PTPN12: variants seen among roughly 807,000 people sequenced by gnomAD.
The protein encoded by PTPN12 is protein tyrosine phosphatase non-receptor type 12.
A neutral mutation model predicts 97.6 loss-of-function variants in PTPN12; 29 were observed. The observed-to-expected ratio is 0.30, with a 90% CI of 0.22 to 0.41. The LOEUF (loss-of-function observed/expected upper bound fraction) is 0.41, where lower values mean the gene tolerates loss of function less well. Ranked by LOEUF, PTPN12 falls within the 10% of genes least tolerant of loss-of-function variation. PTPN12 has a pLI of 1.00. For synonymous variants in PTPN12, 327 were observed against 300.4 expected (o/e 1.09, Z -0.91); for missense variants, 819 against 926.0 (o/e 0.88, Z 1.50).
At chr7:77,590,223 T>C (rs1787822110) in intron 5 of PTPN12, among the ~76,000 whole-genome samples, 1 of 152,226 alleles carries the variant, frequency 6.6e-6, no homozygotes, top group African/African-American at 2.4e-5. Context: ...GATATCATTA[T>C]TAGTTTTATA....
At chr7:77,597,970 G>C in intron 7 of PTPN12, 69 bp downstream of exon 7, 1 of 1,568,632 alleles carries the variant, frequency 6.4e-7, no homozygotes, top group Non-Finnish European at 8.6e-7. Context: ...GCTCATGCCT[G>C]TAATCCCAAC....
In PTPN12 at chr7:77,563,936, A is replaced by G. The variant is rs968160372; in HGVS notation, c.100-7142A>G. On this transcript the variant is annotated intron_variant, in intron 1 of 17. Coordinates refer to ENST00000248594, the MANE Select transcript of PTPN12 (RefSeq NM_002835.4). ...TGTGCATTTTTTCTTTTTTTTTGAG[A>G]TGGAGCTCTGTCGCCCAGGCTGGAG... 22 of 440,982 alleles carry G rather than the reference A, an allele frequency of 5.0e-5. No homozygotes were observed. The Admixed American group carries it at 5.2e-4, about 11-fold the overall frequency. The allele number at this position is 440,982 out of a possible 1,614,324, so 27.3% of individuals were successfully genotyped here.
At chr7:77,630,274 A>G (rs912672458) in intron 13 of PTPN12, among the ~76,000 whole-genome samples, 2 of 152,178 alleles carry the variant, frequency 1.3e-5, no homozygotes, top group Non-Finnish European at 2.9e-5. Context: ...AGCCATTGGC[A>G]CCAGAATTAG....
intron 1 of PTPN12, among the ~76,000 whole-genome samples, chr7:77,540,832 G>T (rs573826772): frequency 6.6e-6 from 1 of 152,086 alleles, no homozygotes; most frequent in African/African-American, 2.4e-5. Flanking sequence ...GATTAAAAAT[G>T]CATTTTAAAT....
chr7:77,581,942 T>G (rs1316739588), intron 3 of PTPN12, among the ~76,000 whole-genome samples: 1 of 152,188 alleles, frequency 6.6e-6, no homozygotes, highest in East Asian at 1.9e-4. Context: ...TGGATAATAC[T>G]GATTTAAAAT....
chr7:77,587,947 T>C (rs1345488997), intron 5 of PTPN12, among the ~76,000 whole-genome samples: 1 of 152,204 alleles, frequency 6.6e-6, no homozygotes. Flanking sequence ...CCTCACACTT[T>C]ATAGAAATGA....
chr7:77,581,294 G>A, intron 2 of PTPN12, 133 bp from the exon 3 acceptor site: 1 of 483,398 alleles, frequency 2.1e-6, no homozygotes, highest in Non-Finnish European at 3.6e-6. Flanking sequence ...TACCCTGCTG[G>A]TACCTAGAGT....
intron 2 of PTPN12, among the ~76,000 whole-genome samples, chr7:77,575,081 G>T (rs1787296779): frequency 6.6e-6 from 1 of 151,164 alleles, no homozygotes; most frequent in Admixed American, 6.6e-5. Context: ...TGATCCACCC[G>T]CTTCAGCCTC....
Position 77,537,494 on chromosome 7 carries a change from G to C in PTPN12, c.-53G>C. 1 of 1,518,984 alleles carries C rather than the reference G, an allele frequency of 6.6e-7. No individual in the cohort carries two copies. The allele number at this position is 1,518,984 out of a possible 1,614,324, so 94.1% of individuals were successfully genotyped here. A position where few individuals can be genotyped will look rare whatever the true frequency, so the allele number is the denominator to read the frequency against. ...GGGAAGACGGAGCGGGCTCTGTGCC[G>C]GGCGGGCGGGCGGCGGGGGGGCCAG... On this transcript the variant is annotated 5_prime_UTR_variant, in exon 1 of 18. Coordinates refer to ENST00000248594, the MANE Select transcript of PTPN12 (RefSeq NM_002835.4).
At chr7:77,586,473 C>T (rs1262544260) in intron 5 of PTPN12, among the ~76,000 whole-genome samples, 1 of 152,076 alleles carries the variant, frequency 6.6e-6, no homozygotes, top group Non-Finnish European at 1.5e-5. Context: ...AATCCCAGCA[C>T]TTTGGGAGGT....
chr7:77,625,472 G>GCTCGCGCGCTCTCTCTCC, intron 12 of PTPN12, among the ~76,000 whole-genome samples: 1 of 33,522 alleles, frequency 3.0e-5, no homozygotes, highest in East Asian at 1.1e-3. Flanking sequence ...CAGGCTGCTC[G>GCTCGCGCGCTCTCTCTCC]CTCTCTCTCT....
At chr7:77,569,232 C>G (rs1021557515) in intron 1 of PTPN12, among the ~76,000 whole-genome samples, 7 of 152,056 alleles carry the variant, frequency 4.6e-5, no homozygotes, top group African/African-American at 1.2e-4. Flanking sequence ...GTTTTTATTT[C>G]TTTTTAACAC....
rs1470365527 is a variant in PTPN12 at position 77,639,453 on chromosome 7, T to A, written c.*173T>A. On this transcript the variant is annotated 3_prime_UTR_variant, in exon 18 of 18. Transcript: ENST00000248594. ...CTTATACTACACTTAGGAAAAAGTA[T>A]TACATATGGTTTATTTTGAAACTTC... is the stretch of plus-strand genomic sequence containing the variant. 1 of 537,756 alleles carries A rather than the reference T, an allele frequency of 1.9e-6. No individual in the cohort carries two copies. Among genetic ancestry groups the A allele is most frequent in the Non-Finnish European group, 3.3e-6 (1 of 305,648 alleles). The allele number at this position is 537,756 out of a possible 1,614,324, so 33.3% of individuals were successfully genotyped here.
At chr7:77,560,732 C>A (rs540580343) in intron 1 of PTPN12, among the ~76,000 whole-genome samples, 3 of 152,316 alleles carry the variant, frequency 2.0e-5, no homozygotes, top group African/African-American at 7.2e-5. Flanking sequence ...TCAAAATCTT[C>A]CTTTTTAAAG....
At chr7:77,613,167 G>GTTTT (rs576216122) in intron 11 of PTPN12, among the ~76,000 whole-genome samples, 35 of 88,544 alleles carry the variant, frequency 4.0e-4, no homozygotes, top group Non-Finnish European at 5.2e-4. Flanking sequence ...TAATTTTTGG[G>GTTTT]TTTTTTTTTT....
chr7:77,556,681 C>G (rs1464595849), intron 1 of PTPN12, among the ~76,000 whole-genome samples: 1 of 151,860 alleles, frequency 6.6e-6, no homozygotes, highest in African/African-American at 2.4e-5. Flanking sequence ...AACCCCGTCT[C>G]TAATAAAAAT....
intron 13 of PTPN12, among the ~76,000 whole-genome samples, chr7:77,631,101 A>G (rs114903799): frequency 0.015 from 2,239 of 152,246 alleles, 56 homozygotes; most frequent in African/African-American, 0.051. Flanking sequence ...CTTCCTTCCA[A>G]CAGCCATCTC....
chr7:77,563,447 A>G (rs1006010666), intron 1 of PTPN12, among the ~76,000 whole-genome samples: 2 of 152,240 alleles, frequency 1.3e-5, no homozygotes, highest in Admixed American at 6.5e-5. Flanking sequence ...TAAGAGGTGT[A>G]TATAAAGTAG....
intron 2 of PTPN12, among the ~76,000 whole-genome samples, chr7:77,575,961 C>T (rs1787328232): frequency 6.6e-6 from 1 of 152,128 alleles, no homozygotes; most frequent in African/African-American, 2.4e-5. Context: ...ATGAGATTCT[C>T]CTGTCTCAGC....
Sources: allele counts gnomAD v4.1 joint callset (sites outside exome capture counted in the v4.1 genomes callset), GRCh38; gene constraint gnomAD v4.1.1; transcripts MANE v1.5; gene names NCBI Gene and HGNC (gene_info 2026-07-23, HGNC 2026-07-21).